CEP128: variants seen among roughly 807,000 people sequenced by gnomAD.
CEP128 encodes the protein centrosomal protein 128, also known as centrosomal protein 128kDa.
In CEP128, 132 loss-of-function variants were observed where a neutral mutation model predicts 156.7. The observed-to-expected ratio is 0.84, with a 90% confidence interval of 0.73 to 0.97. CEP128 has a LOEUF of 0.97. CEP128 is among the 50% of genes least tolerant of loss of function. The pLI is 0.00. For synonymous variants in CEP128, 469 were observed against 448.9 expected, an observed-to-expected ratio of 1.04 and a Z score of -0.57; for missense variants, 1,252 against 1,281.9, an observed-to-expected ratio of 0.98 and a Z score of 0.36.
intron 6 of CEP128, among the ~76,000 whole-genome samples, chr14:80,901,358 G>A (rs926899358): frequency 3.3e-5 from 5 of 152,150 alleles, no homozygotes; most frequent in South Asian, 2.1e-4. Context: ...ATAAAACTAC[G>A]TTAAACAGAC....
At chr14:80,493,350 T>G (rs1187260617), downstream of CEP128, among the ~76,000 whole-genome samples, 1 of 152,170 alleles carries the variant, frequency 6.6e-6, no homozygotes, top group African/African-American at 2.4e-5. Context: ...ACCCCCAACA[T>G]TCTCATTTAT....
chr14:80,723,249 C>T (rs1270073429), intron 19 of CEP128, among the ~76,000 whole-genome samples: 1 of 152,108 alleles, frequency 6.6e-6, no homozygotes, highest in Non-Finnish European at 1.5e-5. Flanking sequence ...CAAACTACTA[C>T]CAATAGACAT....
intron 21 of CEP128, among the ~76,000 whole-genome samples, chr14:80,544,546 T>G (rs914717802): frequency 6.6e-6 from 1 of 152,138 alleles, no homozygotes; most frequent in Non-Finnish European, 1.5e-5. Flanking sequence ...CCTCATGACC[T>G]CATGACCTAA....
intron 19 of CEP128, among the ~76,000 whole-genome samples, chr14:80,724,434 GT>G (rs544898042): frequency 1.6e-4 from 25 of 152,058 alleles, no homozygotes; most frequent in Non-Finnish European, 3.2e-4. Flanking sequence ...ATCTGGAATT[GT>G]TTTAAGTAAG....
intron 17 of CEP128, among the ~76,000 whole-genome samples, chr14:80,759,264 C>T (rs1799231321): frequency 6.6e-6 from 1 of 152,142 alleles, no homozygotes; most frequent in African/African-American, 2.4e-5. Flanking sequence ...ATTCCCAGGA[C>T]TTTTCTCAAA....
At chr14:80,831,003 A>G in intron 13 of CEP128, 140 bp downstream of exon 13, 1 of 715,184 alleles carries the variant, frequency 1.4e-6, no homozygotes, top group Non-Finnish European at 2.3e-6. Flanking sequence ...TAAGTAAATC[A>G]GTCATTAATA....
chr14:80,654,167 T>C (rs959663260), intron 19 of CEP128, among the ~76,000 whole-genome samples: 2 of 152,174 alleles, frequency 1.3e-5, no homozygotes, highest in African/African-American at 4.8e-5. Flanking sequence ...CTGGGTGTTA[T>C]ATAGTCTTGC....
intron 18 of CEP128, among the ~76,000 whole-genome samples, chr14:80,751,360 C>T (rs973873657): frequency 1.5e-4 from 23 of 152,182 alleles, no homozygotes; most frequent in African/African-American, 4.8e-4. Context: ...TTTAATCAAT[C>T]AATAATCAAT....
At chr14:80,919,199 A>T (rs902510064) in intron 2 of CEP128, among the ~76,000 whole-genome samples, 6 of 152,216 alleles carry the variant, frequency 3.9e-5, no homozygotes, top group African/African-American at 1.4e-4. Flanking sequence ...TCAAAATTTT[A>T]ATAATAATCA....
chr14:80,636,340 GAAGA>G (rs1894179709), intron 19 of CEP128, among the ~76,000 whole-genome samples: 1 of 152,116 alleles, frequency 6.6e-6, no homozygotes, highest in African/African-American at 2.4e-5. Context: ...AGTTCTTTAG[GAAGA>G]CAAGTTGTTC....
intron 19 of CEP128, among the ~76,000 whole-genome samples, chr14:80,662,203 A>G (rs898734894): frequency 2.0e-5 from 3 of 152,152 alleles, no homozygotes; most frequent in African/African-American, 7.2e-5. Flanking sequence ...TATTTAGGAA[A>G]GTTAGTCTAA....
intron 9 of CEP128, among the ~76,000 whole-genome samples, chr14:80,844,587 CA>C (rs1219802322): frequency 1.3e-5 from 2 of 152,028 alleles, no homozygotes; most frequent in Admixed American, 6.6e-5. Context: ...TCCTCTTTTT[CA>C]AAAGGTAATA....
intron 2 of CEP128, among the ~76,000 whole-genome samples, chr14:80,949,984 G>C (rs748440619): frequency 1.3e-5 from 2 of 152,180 alleles, no homozygotes; most frequent in Non-Finnish European, 2.9e-5. Flanking sequence ...CCCAGTATCT[G>C]TGAATGTGAC....
At chr14:80,926,691 T>C (rs1283301214) in intron 2 of CEP128, among the ~76,000 whole-genome samples, 2 of 152,190 alleles carry the variant, frequency 1.3e-5, no homozygotes, top group Non-Finnish European at 2.9e-5. Flanking sequence ...CCACTGATAC[T>C]GCAACTGTTG....
rs1889037107 is a variant in CEP128, at chr14:80,890,398, T to A, written c.645+5320A>T. ...ACCCAAATGCCCATCAATGATAGAC[T>A]GGATAAAGAAAATGTGGCACATATA... On this transcript the variant is annotated intron_variant, in intron 8 of 24. Coordinates refer to ENST00000555265, the MANE Select transcript of CEP128 (RefSeq NM_152446.5). 2.0e-5 allele frequency among the ~76,000 whole-genome samples: 3 copies of A among 152,178 alleles called. No individual in the cohort carries two copies. In the South Asian group the frequency reaches 6.2e-4, roughly 32 times the overall value.
intron 19 of CEP128, among the ~76,000 whole-genome samples, chr14:80,707,382 G>A (rs1233368772): frequency 1.3e-5 from 2 of 152,078 alleles, no homozygotes; most frequent in Non-Finnish European, 2.9e-5. Context: ...GCCTGAGGAG[G>A]GTGAGCCTAG....
intron 19 of CEP128, among the ~76,000 whole-genome samples, chr14:80,670,135 T>C (rs945486758): frequency 6.6e-6 from 1 of 152,022 alleles, no homozygotes; most frequent in Admixed American, 6.6e-5. Context: ...TCATGAGAAA[T>C]CCACCCCCAT....
intron 19 of CEP128, among the ~76,000 whole-genome samples, chr14:80,586,765 T>C (rs1891838350): frequency 6.6e-6 from 1 of 152,200 alleles, no homozygotes; most frequent in Admixed American, 6.5e-5. Context: ...GCAAGATATA[T>C]TCAATATACA....
chr14:80,688,995 C>T (rs909454616), intron 19 of CEP128, among the ~76,000 whole-genome samples: 3 of 151,932 alleles, frequency 2.0e-5, no homozygotes, highest in African/African-American at 7.3e-5. Flanking sequence ...CCTAATTATC[C>T]CAAATCTGCA....
Sources: gnomAD v4.1 joint callset for allele counts (sites outside exome capture counted in the v4.1 genomes callset) on GRCh38, gnomAD v4.1.1 for gene constraint, MANE v1.5 for transcripts, NCBI Gene and HGNC (gene_info 2026-07-23, HGNC 2026-07-21) for gene names.